Variants in CYFIP1 observed in about 807,000 individuals in gnomAD.
CYFIP1 encodes the protein cytoplasmic FMR1 interacting protein 1.
In CYFIP1, 58 loss-of-function variants were observed where a neutral mutation model predicts 163.5. The ratio of observed to expected loss-of-function variants is 0.35; its 90% CI spans 0.29 to 0.44. The LOEUF (loss-of-function observed/expected upper bound fraction) is 0.44. CYFIP1 is among the 20% of genes least tolerant of loss of function. The pLI, the probability that CYFIP1 is intolerant of heterozygous loss-of-function variation, is 1.00. For synonymous variants in CYFIP1, 663 were observed against 660.7 expected (o/e 1.00, Z -0.05); for missense variants, 1,338 against 1,653.8 (o/e 0.81, Z 3.31).
chr15:22,874,749 A>G (rs544770034), intron 27 of CYFIP1, 105 bp from the exon 28 acceptor site: 2 of 683,206 alleles, frequency 2.9e-6, no homozygotes, highest in South Asian at 6.3e-5. Flanking sequence ...AGTTAACATT[A>G]TGGATACAGA....
At position 22,868,461 on chromosome 15, in the gene CYFIP1, A is replaced by AATTG. The variant is rs200321051; in HGVS notation, c.*1563_*1566dup. 7.6e-4 allele frequency: 115 copies of AATTG among 152,290 alleles called. 2 individuals carry two copies. The highest frequency in any genetic ancestry group is 2.2e-3 in the African/African-American group (92 of 41,528). The allele number at this position is 152,290 out of a possible 1,614,324, so 9.4% of individuals were successfully genotyped here. A position where few individuals can be genotyped will look rare whatever the true frequency, so the allele number is the denominator to read the frequency against. On this transcript the variant is annotated 3_prime_UTR_variant, in exon 31 of 31. Coordinates refer to ENST00000617928, the MANE Select transcript of CYFIP1 (RefSeq NM_014608.6). ...ATAATTAAGCCTTATAAAACTTGGTAATTGATTAAGTTTTACCATAATTTT... is the reference window on the plus strand; with the variant it reads ...ATAATTAAGCCTTATAAAACTTGGTAATTGATTGATTAAGTTTTACCATAATTTT...
In CYFIP1 at chr15:22,887,414, T is replaced by C. The variant is rs1407481949; in HGVS notation, c.2677-4403A>G. 2.6e-5 allele frequency among the ~76,000 whole-genome samples: 4 copies of C among 152,338 alleles called. No individual in the cohort carries two copies. In the South Asian group the frequency reaches 6.2e-4, roughly 24 times the overall value. On this transcript the variant is annotated intron_variant, in intron 23 of 30. Transcript: ENST00000617928. ...CCAGCCTCTCCTCAGAGCAGCACCC[T>C]GGGCTTTATGTGCTGGGATTCTGTG...
At chr15:22,955,199 C>A (rs1595698841) in intron 1 of CYFIP1, among the ~76,000 whole-genome samples, 1 of 152,214 alleles carries the variant, frequency 6.6e-6, no homozygotes, top group Non-Finnish European at 1.5e-5. Context: ...CTCAGATCCA[C>A]ACAGATGCAG....
Position 22,914,767 on chromosome 15 carries a change from C to T in CYFIP1, c.1944G>A (p.Leu648=). The T allele has an allele frequency of 6.2e-7, 1 of 1,613,872 alleles. No individual in the cohort carries two copies. ...CCTTGGTCTCCAGGATGTGGTCCGT[C>T]AGGATCCAGGGCATCGACATCTCAA... ...FPIEMSMPWI[L]TDHILETKEA... The change falls in exon 17 of 31, where the codon CTG becomes CTA. Residue 648 remains leucine (L), a synonymous_variant. Transcript: ENST00000617928.
At chr15:22,870,723 G>A (rs1015668940) in intron 30 of CYFIP1, among the ~76,000 whole-genome samples, 4 of 152,070 alleles carry the variant, frequency 2.6e-5, no homozygotes, top group African/African-American at 9.7e-5. Context: ...CAATTGATAG[G>A]CCTATTCCTT....
At chr15:22,951,411 G>A (rs190772561) in intron 1 of CYFIP1, 3 of 1,289,084 alleles carry the variant, frequency 2.3e-6, no homozygotes, top group African/African-American at 1.5e-5. Flanking sequence ...CAGCCCCAGC[G>A]CTGCCTGCAG....
rs769678421 is a variant in CYFIP1, at chr15:22,879,981, C to G, written c.2974G>C (p.Val992Leu). 6.2e-7 allele frequency: 1 copy of G among 1,614,022 alleles called. No individual in the cohort carries two copies. The change falls in exon 26 of 31, where the codon GTG becomes CTG. Residue 992 changes from valine (V) to leucine (L), a missense_variant. Physicochemically the swap from Val to Leu is conservative, Grantham distance 32. Transcript: ENST00000617928. ...DIVEYAELKT[V>L]CFQNLREVGN... is the part of the protein sequence containing the mutation. The stretch of plus-strand genomic sequence containing the variant: ...ACCTCCCGCAGGTTCTGGAAGCACA[C>G]CGTCTTCAGCTCTGCGTACTCCACG...
chr15:22,900,777 C>A (rs2060371725), intron 22 of CYFIP1, among the ~76,000 whole-genome samples: 1 of 152,070 alleles, frequency 6.6e-6, no homozygotes, highest in Non-Finnish European at 1.5e-5. Flanking sequence ...GCAGCTCCCA[C>A]TGCCCAAACC....
At chr15:22,879,802 G>A (rs1037706660) in intron 26 of CYFIP1, 111 bp downstream of exon 26, 2 of 739,600 alleles carry the variant, frequency 2.7e-6, no homozygotes, top group Non-Finnish European at 4.3e-6. Flanking sequence ...ATGATGCACA[G>A]CTGTTGCCAC....
intron 21 of CYFIP1, among the ~76,000 whole-genome samples, chr15:22,906,940 C>A (rs1469779922): frequency 6.6e-6 from 1 of 152,028 alleles, no homozygotes; most frequent in Non-Finnish European, 1.5e-5. Flanking sequence ...TGATCTTTAC[C>A]TGTGGCTCGA....
chr15:22,886,185 C>T (rs2059921981), intron 23 of CYFIP1, among the ~76,000 whole-genome samples: 1 of 152,104 alleles, frequency 6.6e-6, no homozygotes, highest in Non-Finnish European at 1.5e-5. Flanking sequence ...CCCCATGATC[C>T]AATCACCTCC....
chr15:22,906,615 G>T (rs992936245), intron 21 of CYFIP1, among the ~76,000 whole-genome samples: 1 of 151,906 alleles, frequency 6.6e-6, no homozygotes, highest in Non-Finnish European at 1.5e-5. Context: ...ACAGGCGTCC[G>T]CCATCAAGCC....
intron 22 of CYFIP1, among the ~76,000 whole-genome samples, chr15:22,898,352 G>C (rs932544958): frequency 3.9e-5 from 6 of 151,978 alleles, no homozygotes; most frequent in East Asian, 3.9e-4. Context: ...CCATGTCCTG[G>C]GTTCAAGCAA....
Position 22,882,974 on chromosome 15 carries a change from T to C in CYFIP1, c.2714A>G (p.Tyr905Cys). ...GTGTGGAGGTCCCACGAAGTTCCGG[T>C]AGCTGCCGTAAATGCTGGAGTAGGC... is the stretch of plus-strand genomic sequence containing the variant. ...NLAYSSIYGS[Y>C]RNFVGPPHFQ... Residue 905 changes from tyrosine to cysteine, a missense_variant, in exon 24 of 31, where the codon TAC (tyrosine) becomes TGC (cysteine). Tyr to Cys is a radical substitution (Grantham distance 194). Around this residue, in one of 4 missense-constraint regions of CYFIP1, gnomAD observed 824 missense variants for 995.7 expected, o/e 0.83. Coordinates refer to ENST00000617928, the MANE Select transcript of CYFIP1 (RefSeq NM_014608.6). The C allele has an allele frequency of 1.2e-6, 2 of 1,613,952 alleles. No homozygotes were observed. The highest frequency in any genetic ancestry group is 2.2e-5 in the South Asian group (2 of 91,074).
At chr15:22,895,731 T>C (rs2060217254) in intron 22 of CYFIP1, among the ~76,000 whole-genome samples, 1 of 151,910 alleles carries the variant, frequency 6.6e-6, no homozygotes, top group Admixed American at 6.6e-5. Context: ...TCCTGGGAGG[T>C]GAAGGGCTGG....
chr15:22,928,554 C>A (rs575509347), intron 11 of CYFIP1, among the ~76,000 whole-genome samples: 1 of 152,122 alleles, frequency 6.6e-6, no homozygotes, highest in African/African-American at 2.4e-5. Flanking sequence ...CCTGGGGGAC[C>A]GCGGGCTGGG....
intron 1 of CYFIP1, among the ~76,000 whole-genome samples, chr15:22,975,791 CA>C (rs1352014104): frequency 6.6e-6 from 1 of 152,176 alleles, no homozygotes; most frequent in African/African-American, 2.4e-5. Context: ...TTCAACTGCA[CA>C]GGGGGTTGGA....
At chr15:22,878,848 C>T (rs187757775) in intron 26 of CYFIP1, among the ~76,000 whole-genome samples, 81 of 152,160 alleles carry the variant, frequency 5.3e-4, no homozygotes, top group African/African-American at 1.8e-3. Context: ...GAAAAATAGG[C>T]AAAAGAGGCC....
At chr15:22,963,494 AATAACATAACATAACATAAC>A (rs56889524) in intron 1 of CYFIP1, among the ~76,000 whole-genome samples, 2,616 of 138,018 alleles carry the variant, frequency 0.019, 36 homozygotes, top group Middle Eastern at 0.045. Flanking sequence ...CTGTTTCAAA[AATAACATAACATAACATAAC>A]ATAACATAAC....
Sources: gnomAD v4.1 joint callset for allele counts (sites outside exome capture counted in the v4.1 genomes callset) on GRCh38, gnomAD v4.1.1 for gene constraint, gnomAD v4.1.1 regional missense constraint, MANE v1.5 for transcripts, NCBI Gene and HGNC (gene_info 2026-07-23, HGNC 2026-07-21) for gene names.